Variants in LMBRD1 observed in about 807,000 individuals in gnomAD.
LMBRD1 encodes the protein lysosomal cobalamin transport escort protein LMBD1.
A neutral mutation model predicts 74.8 loss-of-function variants in LMBRD1; 64 were observed. That is an observed-to-expected ratio of 0.86 (90% CI 0.70 to 1.05). The LOEUF is 1.05. Ranked by LOEUF, LMBRD1 falls within the 50% of genes least tolerant of loss-of-function variation. The probability of loss-of-function intolerance (pLI) is 0.00; values close to 1 mark genes in which losing one functional copy is unlikely to be tolerated. For synonymous variants in LMBRD1, 204 were observed against 216.3 expected (o/e 0.94, Z 0.50); for missense variants, 652 against 645.9 (o/e 1.01, Z -0.10).
intron 14 of LMBRD1, among the ~76,000 whole-genome samples, chr6:69,682,916 GAAAGA>G (rs1174480594): frequency 3.3e-5 from 5 of 151,916 alleles, no homozygotes; most frequent in Non-Finnish European, 7.4e-5. Context: ...ATTTGCATTT[GAAAGA>G]AAAGAAAAGA....
chr6:69,709,589 G>A (rs1766339373), intron 9 of LMBRD1, among the ~76,000 whole-genome samples: 1 of 152,064 alleles, frequency 6.6e-6, no homozygotes, highest in Non-Finnish European at 1.5e-5. Flanking sequence ...AAAAATAAAA[G>A]CAATTACAAA....
intron 14 of LMBRD1, among the ~76,000 whole-genome samples, chr6:69,685,176 ATTAACCTTGT>A (rs1765738676): frequency 6.6e-6 from 1 of 152,174 alleles, no homozygotes; most frequent in Non-Finnish European, 1.5e-5. Context: ...TGAGTTAGAA[ATTAACCTTGT>A]AAGAAGATCC....
At chr6:69,790,258 G>T in intron 2 of LMBRD1, 38 bp downstream of exon 2, 1 of 1,458,546 alleles carries the variant, frequency 6.9e-7, no homozygotes, top group Non-Finnish European at 9.6e-7. Flanking sequence ...CCAGAAATTT[G>T]AAAGGAAAAA....
At chr6:69,712,452 T>TA (rs1407337183) in intron 9 of LMBRD1, among the ~76,000 whole-genome samples, 16 of 151,094 alleles carry the variant, frequency 1.1e-4, no homozygotes, top group Non-Finnish European at 2.4e-4. Context: ...TTTTTTTTTT[T>TA]AAAGTCATTT....
chr6:69,796,032 C>G (rs1766218046), intron 1 of LMBRD1, among the ~76,000 whole-genome samples: 3 of 152,192 alleles, frequency 2.0e-5, no homozygotes, highest in Admixed American at 2.0e-4. Flanking sequence ...AAATTGAACT[C>G]CCAAATAAAC....
Position 69,692,365 on chromosome 6 carries a change from T to C in LMBRD1, c.1417+5198A>G, listed in dbSNP as rs181777343. Among the ~76,000 whole-genome samples the C allele has an allele frequency of 1.2e-4, 19 of 152,324 alleles. No homozygotes were observed. The East Asian group carries it at 1.3e-3, about 11-fold the overall frequency. On this transcript the variant is annotated intron_variant, in intron 14 of 15. Coordinates refer to ENST00000649934, the MANE Select transcript of LMBRD1 (RefSeq NM_018368.4). The stretch of plus-strand genomic sequence containing the variant: ...AACCACAAAAATCAACTTTGATTTA[T>C]AGAGATCATTCCATTTCTAGTCACT...
rs1016862639 is a variant in LMBRD1, at chr6:69,787,263, G to C, written c.246+3033C>G. Among the ~76,000 whole-genome samples the C allele has an allele frequency of 3.3e-5, 5 of 152,180 alleles. No individual in the cohort carries two copies. The South Asian group carries it at 1.0e-3, about 32-fold the overall frequency. ...CAAAAATTTTTTCAGTACTACTTTTGAGAGTCAGCAAATAGTCCAGTTTCA... is the reference window on the plus strand; with the variant it reads ...CAAAAATTTTTTCAGTACTACTTTTCAGAGTCAGCAAATAGTCCAGTTTCA... On this transcript the variant is annotated intron_variant, in intron 2 of 15. Transcript: ENST00000649934.
chr6:69,745,364 T>G (rs1159599319), intron 5 of LMBRD1, among the ~76,000 whole-genome samples: 2 of 150,850 alleles, frequency 1.3e-5, no homozygotes, highest in Admixed American at 1.3e-4. Flanking sequence ...GTTCACGCCA[T>G]TCTCCTGCCT....
intron 2 of LMBRD1, among the ~76,000 whole-genome samples, chr6:69,785,068 C>T (rs1384566302): frequency 6.6e-6 from 1 of 152,144 alleles, no homozygotes; most frequent in Non-Finnish European, 1.5e-5. Context: ...TGAAATTATT[C>T]TTCATGGTCA....
At chr6:69,688,737 A>G (rs1765818183) in intron 14 of LMBRD1, among the ~76,000 whole-genome samples, 1 of 131,534 alleles carries the variant, frequency 7.6e-6, no homozygotes, top group African/African-American at 2.6e-5. Context: ...GTAATAAAAG[A>G]TATTTATTTA....
chr6:69,722,872 T>G (rs1012402241), intron 7 of LMBRD1, among the ~76,000 whole-genome samples: 1 of 152,080 alleles, frequency 6.6e-6, no homozygotes, highest in African/African-American at 2.4e-5. Flanking sequence ...GACTAAACTC[T>G]CCAATCAAAA....
At chr6:69,696,655 C>G (rs994535077) in intron 14 of LMBRD1, among the ~76,000 whole-genome samples, 15 of 152,026 alleles carry the variant, frequency 9.9e-5, no homozygotes, top group African/African-American at 3.1e-4. Flanking sequence ...TCTGCTATCT[C>G]TTTCCTGAAA....
chr6:69,779,874 G>A (rs1218835064), intron 3 of LMBRD1, among the ~76,000 whole-genome samples: 1 of 152,202 alleles, frequency 6.6e-6, no homozygotes, highest in East Asian at 1.9e-4. Context: ...GGCAGATAGA[G>A]AGGAAAACGG....
intron 7 of LMBRD1, among the ~76,000 whole-genome samples, chr6:69,725,278 A>C (rs778353294): frequency 1.3e-5 from 2 of 152,006 alleles, no homozygotes; most frequent in Non-Finnish European, 2.9e-5. Context: ...TAAAATGTCC[A>C]TACTACTCAA....
chr6:69,781,540 A>T (rs1765835883), intron 2 of LMBRD1, among the ~76,000 whole-genome samples: 1 of 152,112 alleles, frequency 6.6e-6, no homozygotes, highest in East Asian at 1.9e-4. Flanking sequence ...GCCCATAAAC[A>T]CCTCTAGCAA....
At chr6:69,752,427 G>C (rs1765178992) in intron 3 of LMBRD1, 71 bp from the exon 4 acceptor site, 5 of 1,217,448 alleles carry the variant, frequency 4.1e-6, no homozygotes, top group Non-Finnish European at 5.9e-6. Context: ...CTATCTATAT[G>C]TATATATATT....
chr6:69,729,475 C>A (rs1766809464), intron 7 of LMBRD1, among the ~76,000 whole-genome samples: 1 of 151,758 alleles, frequency 6.6e-6, no homozygotes, highest in African/African-American at 2.4e-5. Flanking sequence ...AGTCCCAATT[C>A]TTTTTCCTCC....
At chr6:69,687,873 C>T (rs1035537958) in intron 14 of LMBRD1, among the ~76,000 whole-genome samples, 9 of 151,978 alleles carry the variant, frequency 5.9e-5, no homozygotes, top group Admixed American at 5.2e-4. Context: ...AGGTCTCTGC[C>T]CCATGTTCTT....
At chr6:69,730,823 T>C (rs1050913283) in intron 7 of LMBRD1, among the ~76,000 whole-genome samples, 2 of 152,136 alleles carry the variant, frequency 1.3e-5, no homozygotes, top group African/African-American at 2.4e-5. Flanking sequence ...AAGTGCTTCA[T>C]AAGCTTAAGA....
Sources: allele counts gnomAD v4.1 joint callset (sites outside exome capture counted in the v4.1 genomes callset), GRCh38; gene constraint gnomAD v4.1.1; transcripts MANE v1.5; gene names NCBI Gene and HGNC (gene_info 2026-07-23, HGNC 2026-07-21).